Variants in EXT1 observed in about 807,000 individuals in gnomAD.
The protein encoded by EXT1 is exostosin-1.
In EXT1, 20 loss-of-function variants were observed where a neutral mutation model predicts 82.5. The observed-to-expected ratio is 0.24, with a 90% CI of 0.17 to 0.35. The LOEUF (loss-of-function observed/expected upper bound fraction) is 0.35, where lower values mean the gene tolerates loss of function less well. Among genes scored for constraint, EXT1 ranks in the 10% least tolerant of loss-of-function variants. The probability of loss-of-function intolerance (pLI) is 1.00; values close to 1 mark genes in which losing one functional copy is unlikely to be tolerated. For synonymous variants in EXT1, 348 were observed against 350.8 expected (o/e 0.99, Z 0.09); for missense variants, 757 against 936.5 (o/e 0.81, Z 2.50).
chr8:117,934,439 C>T (rs534255992), intron 1 of EXT1, among the ~76,000 whole-genome samples: 7 of 152,222 alleles, frequency 4.6e-5, no homozygotes, highest in Middle Eastern at 3.4e-3. Flanking sequence ...TTGCAAGAGG[C>T]CCCCCAGGGC....
chr8:117,889,366 G>A (rs549607609), intron 1 of EXT1, among the ~76,000 whole-genome samples: 12 of 152,146 alleles, frequency 7.9e-5, no homozygotes, highest in African/African-American at 1.9e-4. Flanking sequence ...AATATACACC[G>A]TGAGTTAAAA....
At chr8:117,913,034 G>C (rs541912325) in intron 1 of EXT1, among the ~76,000 whole-genome samples, 1 of 152,080 alleles carries the variant, frequency 6.6e-6, no homozygotes, top group Admixed American at 6.5e-5. Context: ...GACCAGCCTG[G>C]ACAACATGTT....
intron 1 of EXT1, among the ~76,000 whole-genome samples, chr8:118,021,496 G>GA (rs960933451): frequency 2.0e-5 from 3 of 152,194 alleles, no homozygotes; most frequent in African/African-American, 7.2e-5. Context: ...CAGGTACTGA[G>GA]ATATAAGCAC....
intron 1 of EXT1, among the ~76,000 whole-genome samples, chr8:117,992,803 G>A (rs946103868): frequency 6.6e-6 from 1 of 152,192 alleles, no homozygotes; most frequent in Non-Finnish European, 1.5e-5. Context: ...ACCTTCCGTG[G>A]CATGGGAACA....
In EXT1 at chr8:117,804,712, C is replaced by T. The variant is rs1823212256; in HGVS notation, c.2055+10G>A. 1 of 1,613,830 alleles carries T rather than the reference C, an allele frequency of 6.2e-7. No homozygotes were observed. Among genetic ancestry groups the T allele is most frequent in the Admixed American group, 1.7e-5 (1 of 59,992 alleles). On this transcript the variant is annotated intron_variant, in intron 10 of 10. Transcript: ENST00000378204. ...AGTGAAGCAAGGGAAGAGGGCTCTT[C>T]TATACTTACCTGTCCCATCATTGTC...
intron 1 of EXT1, among the ~76,000 whole-genome samples, chr8:118,102,424 AG>A (rs1363142105): frequency 6.6e-6 from 1 of 152,138 alleles, no homozygotes; most frequent in Non-Finnish European, 1.5e-5. Flanking sequence ...GGATAATGTT[AG>A]GAAAAAAAAT....
chr8:118,052,467 C>T (rs765201764), intron 1 of EXT1, among the ~76,000 whole-genome samples: 4 of 152,122 alleles, frequency 2.6e-5, no homozygotes, highest in Admixed American at 2.6e-4. Flanking sequence ...AACAGCAGTA[C>T]ATTTAACAAG....
chr8:117,951,000 AATAAG>A (rs1563610964), intron 1 of EXT1, among the ~76,000 whole-genome samples: 1 of 152,230 alleles, frequency 6.6e-6, no homozygotes, highest in African/African-American at 2.4e-5. Flanking sequence ...TTGGACCCCA[AATAAG>A]ATAAGGATTA....
At chr8:117,864,681 G>A (rs1563584330) in intron 1 of EXT1, among the ~76,000 whole-genome samples, 2 of 151,544 alleles carry the variant, frequency 1.3e-5, no homozygotes, top group Admixed American at 6.6e-5. Flanking sequence ...CCCAGGAGGC[G>A]GAGCTTGCGG....
In EXT1 at chr8:117,882,812, A is replaced by G. The variant is rs369556244; in HGVS notation, c.963-45611T>C. Among the ~76,000 whole-genome samples the G allele has an allele frequency of 2.0e-3, 306 of 152,086 alleles. 3 individuals carry two copies. Among genetic ancestry groups the G allele is most frequent in the South Asian group, 0.013 (64 of 4,800 alleles). On this transcript the variant is annotated intron_variant, in intron 1 of 10. Coordinates refer to ENST00000378204, the MANE Select transcript of EXT1 (RefSeq NM_000127.3). The stretch of plus-strand genomic sequence containing the variant: ...GCCAACATGGTGAAACCCTGTCTCT[A>G]CTAAAAATACAAAAATTAGCCAGGC...
rs201112673 is a variant in EXT1, at chr8:117,819,747, G to T, written c.1465C>A (p.Pro489Thr). The T allele has an allele frequency of 3.7e-6, 6 of 1,613,402 alleles. No homozygotes were observed. Among genetic ancestry groups the T allele is most frequent in the Admixed American group, 1.7e-5 (1 of 60,026 alleles). ...ACTGGCTGGGACTGAGAGACCAGGG[G>T]GGTCACCGCATGGATGACTGCAGTG... ...KFTAVIHAVT[P>T]LVSQSQPVLK... The change falls in exon 6 of 11, where the codon CCC (proline) becomes ACC (threonine). Residue 489 changes from proline to threonine, a missense_variant. Physicochemically the swap from Pro to Thr is conservative, Grantham distance 38. Coordinates refer to ENST00000378204, the MANE Select transcript of EXT1 (RefSeq NM_000127.3).
intron 1 of EXT1, among the ~76,000 whole-genome samples, chr8:118,089,023 C>T (rs182248852): frequency 9.9e-5 from 15 of 152,128 alleles, no homozygotes; most frequent in African/African-American, 3.1e-4. Context: ...TTCTTTTACA[C>T]GAGACTGATC....
chr8:117,897,848 C>T (rs1813371267), intron 1 of EXT1, among the ~76,000 whole-genome samples: 1 of 151,926 alleles, frequency 6.6e-6, no homozygotes, highest in Non-Finnish European at 1.5e-5. Flanking sequence ...AGCGATCTGC[C>T]CTCCTCAGCC....
At chr8:118,000,584 C>T (rs1410303005) in intron 1 of EXT1, among the ~76,000 whole-genome samples, 1 of 152,180 alleles carries the variant, frequency 6.6e-6, no homozygotes, top group East Asian at 1.9e-4. Flanking sequence ...CAATAACATG[C>T]CCCAGCAAGC....
At chr8:117,958,106 T>G (rs1814625156) in intron 1 of EXT1, among the ~76,000 whole-genome samples, 1 of 121,230 alleles carries the variant, frequency 8.2e-6, no homozygotes, top group Admixed American at 1.0e-4. Context: ...AGAGTTCCTG[T>G]TACCAAGTCT....
intron 1 of EXT1, among the ~76,000 whole-genome samples, chr8:117,900,974 C>T (rs1813436824): frequency 6.6e-6 from 1 of 152,164 alleles, no homozygotes; most frequent in South Asian, 2.1e-4. Context: ...TTGGGTAAAC[C>T]CTGTACAAAG....
intron 1 of EXT1, among the ~76,000 whole-genome samples, chr8:118,096,177 A>G (rs535081456): frequency 6.6e-6 from 1 of 152,306 alleles, no homozygotes; most frequent in South Asian, 2.1e-4. Context: ...GGAAGTTTCA[A>G]TATCTACAGA....
chr8:117,920,734 C>A (rs144168614), intron 1 of EXT1, among the ~76,000 whole-genome samples: 1 of 152,260 alleles, frequency 6.6e-6, no homozygotes, highest in African/African-American at 2.4e-5. Flanking sequence ...TTCGGGATTA[C>A]TTTAGGGAGG....
chr8:117,880,198 A>G (rs1184951501), intron 1 of EXT1, among the ~76,000 whole-genome samples: 2 of 152,248 alleles, frequency 1.3e-5, no homozygotes, highest in African/African-American at 2.4e-5. Context: ...ACATGTGTGT[A>G]GAACTCTGCT....
Sources: allele counts gnomAD v4.1 joint callset (sites outside exome capture counted in the v4.1 genomes callset), GRCh38; gene constraint gnomAD v4.1.1; transcripts MANE v1.5; gene names NCBI Gene and HGNC (gene_info 2026-07-23, HGNC 2026-07-21).